The following ZNF543 variants were observed in gnomAD, a reference collection of about 807,000 sequenced individuals.
ZNF543 encodes zinc finger protein 543.
A neutral mutation model predicts 13.4 loss-of-function variants in ZNF543; 10 were observed. The observed-to-expected ratio is 0.75, with a 90% CI of 0.46 to 1.26. The LOEUF (loss-of-function observed/expected upper bound fraction) is 1.26. Ranked by LOEUF, ZNF543 falls within the 50% of genes most tolerant of loss-of-function variation. The pLI is 0.00. For synonymous variants in ZNF543, 272 were observed against 264.7 expected (o/e 1.03, Z -0.27); for missense variants, 768 against 741.2 (o/e 1.04, Z -0.42).
rs748235941 is a variant in ZNF543 at position 57,328,335 on chromosome 19, C to A, written c.873C>A (p.Ala291=). The A allele has an allele frequency of 6.2e-7, 1 of 1,613,710 alleles. No individual in the cohort carries two copies. Among genetic ancestry groups the A allele is most frequent in the African/African-American group, 1.3e-5 (1 of 74,764 alleles). ...ATAAGTGCAGTGAATGTGGAAAGGC[C>A]TTCACCCACCGCTCCACTTTTGTCT... ...KPYKCSECGK[A]FTHRSTFVLH... Residue 291 remains alanine (A), a synonymous_variant, in exon 4 of 4, where the codon GCC becomes GCA. Coordinates refer to ENST00000321545, the MANE Select transcript of ZNF543 (RefSeq NM_213598.4).
chr19:57,328,101 C>T lies in ZNF543; in HGVS notation c.639C>T (p.Leu213=). Residue 213 remains leucine (L), a synonymous_variant, in exon 4 of 4, where the codon CTC becomes CTT. Coordinates refer to ENST00000321545, the MANE Select transcript of ZNF543 (RefSeq NM_213598.4). ...GGAAAGTGTTTAAAAAGAATGCCCT[C>T]CTTGTTCAGCATGAACGGATTCACA... ...ECGKVFKKNA[L]LVQHERIHTQ... 1 of 1,614,254 alleles carries T rather than the reference C, an allele frequency of 6.2e-7. No homozygotes were observed. Among genetic ancestry groups the T allele is most frequent in the Non-Finnish European group, 8.5e-7 (1 of 1,180,048 alleles).
At chr19:57,323,320 T>C (rs914274246) in intron 1 of ZNF543, among the ~76,000 whole-genome samples, 5 of 151,656 alleles carry the variant, frequency 3.3e-5, no homozygotes, top group Non-Finnish European at 7.4e-5. Context: ...GCCTCCCGAG[T>C]AGCTGGGAAT....
chr19:57,323,768 G>A lies in ZNF543; in HGVS notation c.105G>A (p.Gln35=). 4 of 1,613,618 alleles carry A rather than the reference G, an allele frequency of 2.5e-6. No homozygotes were observed. Among genetic ancestry groups the A allele is most frequent in the African/African-American group, 1.3e-5 (1 of 75,038 alleles). Reference sequence around the variant, plus strand: ...ATGCAGCCCAGAGAACCTTGTATCAGGAGGTGATGCTGGAGACCTGCGGAC... The same window carrying A: ...ATGCAGCCCAGAGAACCTTGTATCAAGAGGTGATGCTGGAGACCTGCGGAC... The part of the protein sequence containing the change: ...QLDAAQRTLY[Q]EVMLETCGLL... The change falls in exon 2 of 4, where the codon CAG becomes CAA. Residue 35 remains glutamine, a synonymous_variant. Transcript: ENST00000321545.
intron 1 of ZNF543, chr19:57,323,480 C>G (rs928573940): frequency 1.8e-5 from 11 of 606,478 alleles, no homozygotes; most frequent in Non-Finnish European, 3.3e-5. Flanking sequence ...GCGTGAGCCA[C>G]CGCGCCTGAC....
chr19:57,326,866 CG>C (rs200317882), intron 3 of ZNF543, 138 bp downstream of exon 3: 356,796 of 574,238 alleles, frequency 0.62, 110,639 homozygotes, highest in African/African-American at 0.68. Flanking sequence ...TCTCCCCGCC[CG>C]CCCCCCCCCA....
Position 57,323,729 on chromosome 19 carries a change from G to T in ZNF543, c.66G>T (p.Glu22Asp). The T allele has an allele frequency of 6.2e-7, 1 of 1,613,840 alleles. No individual in the cohort carries two copies. The highest frequency in any genetic ancestry group is 8.5e-7 in the Non-Finnish European group (1 of 1,179,766). Residue 22 changes from glutamate (E) to aspartate (D), a missense_variant, in exon 2 of 4, where the codon GAG becomes GAT. This residue lies in a region of ZNF543 where 77 missense variants were observed against 75.5 expected (regional missense o/e 1.02). Coordinates refer to ENST00000321545, the MANE Select transcript of ZNF543 (RefSeq NM_213598.4). ...TGGCTGTGACATTCACCCAGGAGGA[G>T]TGGGGACAGTTGGATGCAGCCCAGA... ...EDVAVTFTQE[E>D]WGQLDAAQRT...
At chr19:57,326,907 A>T (rs1189942010) in intron 3 of ZNF543, among the ~76,000 whole-genome samples, 179 bp downstream of exon 3, 1 of 120,312 alleles carries the variant, frequency 8.3e-6, no homozygotes, top group African/African-American at 3.2e-5. Context: ...TCACTCTGTC[A>T]CTCAGGCTGG....
intron 1 of ZNF543, among the ~76,000 whole-genome samples, chr19:57,322,379 A>G (rs1247667235): frequency 5.9e-5 from 9 of 151,960 alleles, no homozygotes; most frequent in Admixed American, 5.9e-4. Flanking sequence ...TCAAGTGGCT[A>G]ACCCCAGCAC....
chr19:57,326,910 C>G (rs1296249967), intron 3 of ZNF543, among the ~76,000 whole-genome samples, 182 bp downstream of exon 3: 1 of 131,036 alleles, frequency 7.6e-6, no homozygotes, highest in African/African-American at 2.9e-5. Flanking sequence ...CTCTGTCACT[C>G]AGGCTGGAGT....
At chr19:57,321,467 C>A (rs751519602) in intron 1 of ZNF543, among the ~76,000 whole-genome samples, 13 of 152,138 alleles carry the variant, frequency 8.5e-5, no homozygotes, top group Non-Finnish European at 1.8e-4. Flanking sequence ...AGAAGCTTGC[C>A]GTTTGAGTTG....
At chr19:57,323,220 C>G (rs2088099778) in intron 1 of ZNF543, among the ~76,000 whole-genome samples, 1 of 146,022 alleles carries the variant, frequency 6.8e-6, no homozygotes, top group Admixed American at 6.9e-5. Context: ...TGAGACGAGT[C>G]TCGCTCTGTC....
At position 57,328,831 on chromosome 19, in the gene ZNF543, G is replaced by A. The variant is rs1327099073; in HGVS notation, c.1369G>A (p.Gly457Arg). 1 of 1,613,922 alleles carries A rather than the reference G, an allele frequency of 6.2e-7. No individual in the cohort carries two copies. The highest frequency in any genetic ancestry group is 1.3e-5 in the African/African-American group (1 of 74,856). ...GEKPYECKECGKAFSDRADLI... is the reference protein window; with the variant it reads ...GEKPYECKECRKAFSDRADLI... ...AAAACCCTATGAATGCAAAGAATGT[G>A]GAAAAGCCTTTAGTGATAGGGCAGA... The change falls in exon 4 of 4, where the codon GGA (glycine) becomes AGA (arginine). Residue 457 changes from glycine (G) to arginine (R), a missense_variant. Physicochemically the swap from Gly to Arg is moderately radical, Grantham distance 125. Coordinates refer to ENST00000321545, the MANE Select transcript of ZNF543 (RefSeq NM_213598.4).
chr19:57,326,859 C>A (rs2088123808), intron 3 of ZNF543, 131 bp downstream of exon 3: 2 of 615,328 alleles, frequency 3.3e-6, no homozygotes, highest in Admixed American at 2.8e-5. Context: ...TGGAGCCTCT[C>A]CCCGCCCGCC....
chr19:57,323,738 G>T lies in ZNF543; in HGVS notation c.75G>T (p.Gln25His), dbSNP rs1284570550. ...AVTFTQEEWG[Q>H]LDAAQRTLYQ... ...CATTCACCCAGGAGGAGTGGGGACAGTTGGATGCAGCCCAGAGAACCTTGT... is the reference window on the plus strand; with the variant it reads ...CATTCACCCAGGAGGAGTGGGGACATTTGGATGCAGCCCAGAGAACCTTGT... The change falls in exon 2 of 4, where the codon CAG becomes CAT. Residue 25 changes from glutamine to histidine, a missense_variant. Coordinates refer to ENST00000321545, the MANE Select transcript of ZNF543 (RefSeq NM_213598.4). 2.5e-6 allele frequency: 4 copies of T among 1,613,838 alleles called. No homozygotes were observed. Among genetic ancestry groups the T allele is most frequent in the South Asian group, 2.2e-5 (2 of 91,084 alleles).
chr19:57,323,875 TCCACAGC>T, intron 2 of ZNF543, 67 bp downstream of exon 2: 1 of 1,568,286 alleles, frequency 6.4e-7, no homozygotes, highest in African/African-American at 1.4e-5. Context: ...CCCTCTCTCC[TCCACAGC>T]CCACTTGTTC....
Position 57,328,937 on chromosome 19 carries a change from C to G in ZNF543, c.1475C>G (p.Ser492Ter), listed in dbSNP as rs531175160. 3 of 1,614,180 alleles carry G rather than the reference C, an allele frequency of 1.9e-6. No individual in the cohort carries two copies. The highest frequency in any genetic ancestry group is 2.5e-6 in the Non-Finnish European group (3 of 1,180,016). The change falls in exon 4 of 4, where the codon TCA (serine) becomes TGA (stop). Residue 492 changes from serine to a stop codon, truncating the protein, a stop_gained. Transcript: ENST00000321545. LOFTEE classifies it low-confidence loss of function (END_TRUNC). ...VECGKAFNRS[S>*]HLTRHQQIHT... ...TGTGGAAAGGCCTTCAACCGCAGCTCACACCTCACGAGGCACCAACAGATT... is the reference window on the plus strand; with the variant it reads ...TGTGGAAAGGCCTTCAACCGCAGCTGACACCTCACGAGGCACCAACAGATT...
chr19:57,325,793 A>T (rs1198094961), intron 2 of ZNF543, among the ~76,000 whole-genome samples: 1 of 152,116 alleles, frequency 6.6e-6, no homozygotes, highest in Non-Finnish European at 1.5e-5. Flanking sequence ...CGTTGGGATT[A>T]CAAGCGTGAG....
chr19:57,329,618 T>C lies in ZNF543; in HGVS notation c.*353T>C, dbSNP rs1488691649. 1 of 169,674 alleles carries C rather than the reference T, an allele frequency of 5.9e-6. No homozygotes were observed. 10.5% of individuals were successfully genotyped at this position (169,674 alleles called of 1,614,324 possible). On this transcript the variant is annotated 3_prime_UTR_variant, in exon 4 of 4. Coordinates refer to ENST00000321545, the MANE Select transcript of ZNF543 (RefSeq NM_213598.4). ...AGCTCCGCCTCCCGGGTTCACGCCA[T>C]TCTCCTGCCTCAGCCTCCCAAGTAG... is the stretch of plus-strand genomic sequence containing the variant.
At position 57,326,646 on chromosome 19, in the gene ZNF543, C is replaced by A; in HGVS notation, c.159C>A (p.Phe53Leu). Residue 53 changes from phenylalanine (F) to leucine (L), a missense_variant, in exon 3 of 4, where the codon TTC becomes TTA. By Grantham distance (22) the Phe-to-Leu change is conservative (BLOSUM62 0). Around this residue, in one of 3 missense-constraint regions of ZNF543, gnomAD observed 77 missense variants for 75.5 expected, o/e 1.02. Transcript: ENST00000321545. Reference sequence around the variant, plus strand: ...CTCCATGCACAGGCTGTCCTTTGTTCAAACCAGAGCTGATCTACCAGTTGG... The same window carrying A: ...CTCCATGCACAGGCTGTCCTTTGTTAAAACCAGAGCTGATCTACCAGTTGG... ...GLLMSLGCPL[F>L]KPELIYQLDH... 6.2e-7 allele frequency: 1 copy of A among 1,613,930 alleles called. No individual in the cohort carries two copies.
Sources: allele counts gnomAD v4.1 joint callset (sites outside exome capture counted in the v4.1 genomes callset), GRCh38; gene constraint gnomAD v4.1.1; regional missense constraint gnomAD v4.1.1; transcripts MANE v1.5; gene names NCBI Gene and HGNC (gene_info 2026-07-23, HGNC 2026-07-21).